KCNQ1: variants seen among roughly 807,000 people sequenced by gnomAD.
KCNQ1 encodes potassium voltage-gated channel subfamily Q member 1.
In KCNQ1, 49 loss-of-function variants were observed where a neutral mutation model predicts 72.4. The ratio of observed to expected loss-of-function variants is 0.68; its 90% CI spans 0.54 to 0.86. KCNQ1 has a LOEUF of 0.86. Ranked by LOEUF, KCNQ1 falls within the 40% of genes least tolerant of loss-of-function variation. KCNQ1 has a pLI of 0.00. For missense variants in KCNQ1, 790 were observed against 945.1 expected, an observed-to-expected ratio of 0.84 and a Z score of 2.15; for synonymous variants, 450 against 412.6, an observed-to-expected ratio of 1.09 and a Z score of -1.10.
chr11:2,747,205 GA>G (rs1266561925), intron 11 of KCNQ1, among the ~76,000 whole-genome samples: 1 of 152,274 alleles, frequency 6.6e-6, no homozygotes, highest in East Asian at 1.9e-4. Context: ...CGGGGATGAA[GA>G]AACGCCTTAG....
chr11:2,702,302 AGGAGGTAGCCT>A (rs1460989907), intron 11 of KCNQ1, among the ~76,000 whole-genome samples: 1 of 152,196 alleles, frequency 6.6e-6, no homozygotes, highest in Non-Finnish European at 1.5e-5. Context: ...CATCAGATGG[AGGAGGTAGCCT>A]GGTGGACTCC....
intron 7 of KCNQ1, among the ~76,000 whole-genome samples, chr11:2,584,640 A>C (rs1228847506): frequency 1.8e-5 from 2 of 113,120 alleles, no homozygotes; most frequent in Non-Finnish European, 3.8e-5. Flanking sequence ...TTTGTGTGTT[A>C]GTGTGTTTTT....
chr11:2,543,409 G>T lies in KCNQ1; in HGVS notation c.477+15391G>T, dbSNP rs1365532198. On this transcript the variant is annotated intron_variant, in intron 2 of 15. Transcript: ENST00000155840. This position sits in a 1 kb window ranked among gnomAD's most constrained non-coding sequence, Gnocchi z 5.6. ...CCACCTCAGCCTCCCAAGTAGCTGG[G>T]ACTATAGGCATGTGCCACCACAGGT... is the stretch of plus-strand genomic sequence containing the variant. 6.6e-6 allele frequency among the ~76,000 whole-genome samples: 1 copy of T among 152,072 alleles called. No homozygotes were observed. The highest frequency in any genetic ancestry group is 1.5e-5 in the Non-Finnish European group (1 of 68,016).
chr11:2,545,235 A>G (rs562444310), intron 2 of KCNQ1, among the ~76,000 whole-genome samples: 85 of 152,324 alleles, frequency 5.6e-4, no homozygotes, highest in African/African-American at 2.0e-3. Flanking sequence ...GATATTGTCT[A>G]TATATTTTCT....
intron 10 of KCNQ1, chr11:2,625,051 A>G (rs1369876015): frequency 2.5e-6 from 1 of 398,508 alleles, no homozygotes; most frequent in African/African-American, 2.1e-5. Flanking sequence ...TCGTGGGTAT[A>G]CAAATATATC....
At position 2,815,947 on chromosome 11, in the gene KCNQ1, TGGG is replaced by T. The variant is rs1441768783; in HGVS notation, c.1795-31817_1795-31815del. ...CACACCTGTCAGGGTGGAGGGGACT[TGGG>T]GGACCAGCCAGCTGGATATGTTCCC... On this transcript the variant is annotated intron_variant, in intron 15 of 15. Coordinates refer to ENST00000155840, the MANE Select transcript of KCNQ1 (RefSeq NM_000218.3). This position sits in a 1 kb window ranked among gnomAD's most constrained non-coding sequence, Gnocchi z 5.4. 6.6e-6 allele frequency among the ~76,000 whole-genome samples: 1 copy of T among 152,130 alleles called. No homozygotes were observed. Among genetic ancestry groups the T allele is most frequent in the Non-Finnish European group, 1.5e-5 (1 of 68,014 alleles).
Position 2,677,228 on chromosome 11 carries a change from A to C in KCNQ1, c.1514+15147A>C. 2.5e-6 allele frequency: 1 copy of C among 398,664 alleles called. No homozygotes were observed. The highest frequency in any genetic ancestry group is 2.1e-5 in the African/African-American group (1 of 48,768). The allele number at this position is 398,664 out of a possible 1,614,324, so 24.7% of individuals were successfully genotyped here. ...GGCTGTCTCTTGTCAACCAAAGACA[A>C]TATAAAGCACACACAAAGTAAAGAG... On this transcript the variant is annotated intron_variant, in intron 11 of 15. Coordinates refer to ENST00000155840, the MANE Select transcript of KCNQ1 (RefSeq NM_000218.3). This position sits in a 1 kb window ranked among gnomAD's most constrained non-coding sequence, Gnocchi z 4.5.
At chr11:2,798,900 G>A (rs1344002433) in intron 15 of KCNQ1, among the ~76,000 whole-genome samples, 1 of 152,182 alleles carries the variant, frequency 6.6e-6, no homozygotes, top group Non-Finnish European at 1.5e-5. Context: ...GAAGGGGCTG[G>A]AGGAGCAGGA....
At chr11:2,546,497 T>G (rs980415096) in intron 2 of KCNQ1, among the ~76,000 whole-genome samples, 2 of 152,238 alleles carry the variant, frequency 1.3e-5, no homozygotes, top group Non-Finnish European at 2.9e-5. Context: ...TAATGATACA[T>G]CCTTACTGAT....
intron 1 of KCNQ1, among the ~76,000 whole-genome samples, chr11:2,512,377 A>G (rs1421293362): frequency 1.3e-5 from 2 of 152,078 alleles, no homozygotes; most frequent in Non-Finnish European, 2.9e-5. Context: ...AGCCAGGAGA[A>G]CTGTCTGTCT....
rs1311956069 is a variant in KCNQ1, at chr11:2,550,953, T to C, written c.478-19675T>C. On this transcript the variant is annotated intron_variant, in intron 2 of 15. Coordinates refer to ENST00000155840, the MANE Select transcript of KCNQ1 (RefSeq NM_000218.3). The surrounding 1 kb of genome is among the most constrained non-coding windows in gnomAD (Gnocchi z 6.0). ...GTACAGCTGCTCCCAGGCCAGACTC[T>C]GGTGGTAGCAGGAGGCAGGGGAGGC... Among the ~76,000 whole-genome samples, 2 of 151,958 alleles carry C rather than the reference T, an allele frequency of 1.3e-5. No individual in the cohort carries two copies. Among genetic ancestry groups the C allele is most frequent in the Non-Finnish European group, 2.9e-5 (2 of 67,948 alleles).
Position 2,664,589 on chromosome 11 carries a change from T to A in KCNQ1, c.1514+2508T>A, listed in dbSNP as rs1850030237. ...TCTTCTGCCCGCATTGGGGCTGCATTCCTCCACCTCCTGCACAGCCCGCCC... is the reference window on the plus strand; with the variant it reads ...TCTTCTGCCCGCATTGGGGCTGCATACCTCCACCTCCTGCACAGCCCGCCC... On this transcript the variant is annotated intron_variant, in intron 11 of 15. Transcript: ENST00000155840. The surrounding 1 kb of genome is among the most constrained non-coding windows in gnomAD (Gnocchi z 5.1). 2.5e-6 allele frequency: 1 copy of A among 398,448 alleles called. No homozygotes were observed. The highest frequency in any genetic ancestry group is 2.1e-5 in the African/African-American group (1 of 48,596). The allele number at this position is 398,448 out of a possible 1,614,324, so 24.7% of individuals were successfully genotyped here.
In KCNQ1 at chr11:2,572,920, G is replaced by A. The variant is rs776982883; in HGVS notation, c.855G>A (p.Lys285=). The A allele has an allele frequency of 6.2e-7, 1 of 1,613,854 alleles. No homozygotes were observed. The highest frequency in any genetic ancestry group is 8.5e-7 in the Non-Finnish European group (1 of 1,180,026). Residue 285 remains lysine (K), a synonymous_variant, in exon 6 of 16, where the codon AAG becomes AAA. Coordinates refer to ENST00000155840, the MANE Select transcript of KCNQ1 (RefSeq NM_000218.3). ...FSSYFVYLAE[K]DAVNESGRVE... The stretch of plus-strand genomic sequence containing the variant: ...CGTACTTTGTGTACCTGGCTGAGAA[G>A]GACGCGGTGAACGAGTCAGGCCGCG...
At position 2,530,566 on chromosome 11, in the gene KCNQ1, T is replaced by G. The variant is rs1847603161; in HGVS notation, c.477+2548T>G. Among the ~76,000 whole-genome samples the G allele has an allele frequency of 2.0e-5, 3 of 152,208 alleles. No homozygotes were observed. The South Asian group carries it at 6.2e-4, about 31-fold the overall frequency. On this transcript the variant is annotated intron_variant, in intron 2 of 15. Coordinates refer to ENST00000155840, the MANE Select transcript of KCNQ1 (RefSeq NM_000218.3). ...ATGTGAGTGCCCACATGCACGGGAATGTGTACACGCATGTGCGTGTTTATG... is the reference window on the plus strand; with the variant it reads ...ATGTGAGTGCCCACATGCACGGGAAGGTGTACACGCATGTGCGTGTTTATG...
Position 2,703,589 on chromosome 11 carries a change from A to G in KCNQ1, c.1514+41508A>G, listed in dbSNP as rs758468372. Among the ~76,000 whole-genome samples, 1 of 151,138 alleles carries G rather than the reference A, an allele frequency of 6.6e-6. No homozygotes were observed. Among genetic ancestry groups the G allele is most frequent in the Non-Finnish European group, 1.5e-5 (1 of 67,760 alleles). On this transcript the variant is annotated intron_variant, in intron 11 of 15. Transcript: ENST00000155840. This position sits in a 1 kb window ranked among gnomAD's most constrained non-coding sequence, Gnocchi z 6.4. ...AAGGTATTTAGAGTGGGGGTGGGGGATTAGGGGAGGAAGTTGCTGAGCTAA... is the reference window on the plus strand; with the variant it reads ...AAGGTATTTAGAGTGGGGGTGGGGGGTTAGGGGAGGAAGTTGCTGAGCTAA...
intron 11 of KCNQ1, chr11:2,675,247 T>G (rs1375565252): frequency 5.0e-6 from 2 of 398,510 alleles, no homozygotes; most frequent in Non-Finnish European, 8.8e-6. Context: ...TCCCAAGCAG[T>G]ACTGTTTCAG....
chr11:2,515,151 A>G lies in KCNQ1; in HGVS notation c.387-12777A>G, dbSNP rs1403542282. 6.6e-6 allele frequency among the ~76,000 whole-genome samples: 1 copy of G among 152,018 alleles called. No individual in the cohort carries two copies. The highest frequency in any genetic ancestry group is 1.5e-5 in the Non-Finnish European group (1 of 68,006). ...ATATTGGACGTTATACTCAATAGGT[A>G]ATTTTTCAACCCTCCCCCTCTCACC... On this transcript the variant is annotated intron_variant, in intron 1 of 15. Coordinates refer to ENST00000155840, the MANE Select transcript of KCNQ1 (RefSeq NM_000218.3). This position sits in a 1 kb window ranked among gnomAD's most constrained non-coding sequence, Gnocchi z 4.7.
At chr11:2,614,519 A>AT (rs774363391) in intron 10 of KCNQ1, 4 of 398,170 alleles carry the variant, frequency 1.0e-5, no homozygotes, top group Non-Finnish European at 1.8e-5. Flanking sequence ...TTTAACTCTT[A>AT]TTTTTTGGTC....
At position 2,671,854 on chromosome 11, in the gene KCNQ1, A is replaced by C. The variant is rs975081883; in HGVS notation, c.1514+9773A>C. 4 of 398,590 alleles carry C rather than the reference A, an allele frequency of 1.0e-5. No individual in the cohort carries two copies. The highest frequency in any genetic ancestry group is 8.2e-5 in the African/African-American group (4 of 48,636). The allele number at this position is 398,590 out of a possible 1,614,324, so 24.7% of individuals were successfully genotyped here. A position where few individuals can be genotyped will look rare whatever the true frequency, so the allele number is the denominator to read the frequency against. On this transcript the variant is annotated intron_variant, in intron 11 of 15. Transcript: ENST00000155840. This position sits in a 1 kb window ranked among gnomAD's most constrained non-coding sequence, Gnocchi z 4.7. ...GTTATAGGTCTGAGCCTTCTGCCCC[A>C]GGGAGCCAAGCCCTGGAGAGGAGGT... is the stretch of plus-strand genomic sequence containing the variant.
Sources: gnomAD v4.1 joint callset for allele counts (sites outside exome capture counted in the v4.1 genomes callset) on GRCh38, gnomAD v4.1.1 for gene constraint, Gnocchi (gnomAD v3.1) non-coding constraint, MANE v1.5 for transcripts, NCBI Gene and HGNC (gene_info 2026-07-23, HGNC 2026-07-21) for gene names.